The following EML1 variants were observed in gnomAD, a reference collection of about 807,000 sequenced individuals.
EML1 encodes the protein echinoderm microtubule-associated protein-like 1.
Under a neutral mutation model 110.4 loss-of-function variants are expected in EML1, and 27 were observed. The observed-to-expected ratio is 0.24, with a 90% confidence interval of 0.18 to 0.34. EML1 has a LOEUF of 0.34. Among genes scored for constraint, EML1 ranks in the 10% least tolerant of loss-of-function variants. The pLI is 1.00. For synonymous variants in EML1, 344 were observed against 385.8 expected (o/e 0.89, Z 1.27); for missense variants, 741 against 1,030.9 (o/e 0.72, Z 3.85).
chr14:99,772,186 CT>C (rs906830444), upstream of EML1, among the ~76,000 whole-genome samples: 7 of 152,310 alleles, frequency 4.6e-5, no homozygotes, highest in African/African-American at 1.7e-4. Flanking sequence ...AGACAATTAA[CT>C]TGTTAGACTC....
rs2060537990 is a variant in EML1 at position 99,939,416 on chromosome 14, T to TG, written c.2322+90dup. The TG allele has an allele frequency of 3.8e-6, 6 of 1,559,674 alleles. No homozygotes were observed. In the Admixed American group the frequency reaches 9.0e-5, roughly 23 times the overall value. On this transcript the variant is annotated intron_variant, in intron 21 of 21. Transcript: ENST00000262233. This position sits in a 1 kb window ranked among gnomAD's most constrained non-coding sequence, Gnocchi z 4.2. ...TTGGAGACTAAGTGGAAATGGGCTGTGAGCGACTGCTGCCAGCCACAAAGG... is the reference window on the plus strand; with the variant it reads ...TTGGAGACTAAGTGGAAATGGGCTGTGGAGCGACTGCTGCCAGCCACAAAGG...
chr14:99,837,822 G>T (rs886477484), intron 1 of EML1, among the ~76,000 whole-genome samples: 3 of 152,056 alleles, frequency 2.0e-5, no homozygotes, highest in Non-Finnish European at 4.4e-5. Context: ...TTGTTTTTGA[G>T]AGAGGCTTAC....
At chr14:99,911,976 A>G (rs1469340550) in intron 13 of EML1, among the ~76,000 whole-genome samples, 1 of 148,992 alleles carries the variant, frequency 6.7e-6, no homozygotes, top group East Asian at 2.0e-4. Context: ...GTTTACTGCA[A>G]CCTCCCCCTC....
At chr14:99,776,148 C>T (rs2057479705) in intron 1 of EML1, among the ~76,000 whole-genome samples, 2 of 152,120 alleles carry the variant, frequency 1.3e-5, no homozygotes, top group African/African-American at 2.4e-5. Context: ...CCTCAGAGCC[C>T]TTACAGATGA....
intron 16 of EML1, 135 bp from the exon 17 acceptor site, chr14:99,920,654 A>C (rs2060114417): frequency 1.0e-5 from 7 of 672,676 alleles, no homozygotes; most frequent in Non-Finnish European, 1.7e-5. Flanking sequence ...AAAGCTGGGA[A>C]CAAGCTTTCT....
intron 17 of EML1, among the ~76,000 whole-genome samples, chr14:99,933,843 C>T (rs1477425116): frequency 6.6e-6 from 1 of 152,346 alleles, no homozygotes; most frequent in East Asian, 1.9e-4. Flanking sequence ...CCTGTAATCC[C>T]AGCACTTCGG....
chr14:99,817,897 T>C (rs896230095), intron 1 of EML1, among the ~76,000 whole-genome samples: 2 of 152,042 alleles, frequency 1.3e-5, no homozygotes, highest in African/African-American at 2.4e-5. Context: ...CCAGCCCAGC[T>C]TGGTATTCTG....
intron 1 of EML1, among the ~76,000 whole-genome samples, 200 bp downstream of exon 1, chr14:99,793,743 GGCCGCCCCGGGCTCCCC>G (rs1230397572): frequency 6.8e-6 from 1 of 146,698 alleles, no homozygotes; most frequent in Non-Finnish European, 1.5e-5. Context: ...CCTCGCTCCG[GGCCGCCCCGGGCTCCCC>G]GCCGCCACCC....
chr14:99,794,060 T>G (rs925012996), intron 1 of EML1, among the ~76,000 whole-genome samples: 6 of 152,206 alleles, frequency 3.9e-5, no homozygotes, highest in African/African-American at 1.4e-4. Context: ...TTTAATACAA[T>G]CTAGAGCTTT....
intron 1 of EML1, among the ~76,000 whole-genome samples, chr14:99,825,626 T>C (rs1215678344): frequency 6.6e-6 from 1 of 152,188 alleles, no homozygotes; most frequent in Non-Finnish European, 1.5e-5. Context: ...TTTCTGTGTT[T>C]TTCCTGTCAG....
At chr14:99,806,006 T>C (rs1023990355) in intron 1 of EML1, among the ~76,000 whole-genome samples, 11 of 152,326 alleles carry the variant, frequency 7.2e-5, no homozygotes, top group African/African-American at 2.4e-4. Context: ...CATTCGACTT[T>C]CTTGTCTCTG....
intron 12 of EML1, among the ~76,000 whole-genome samples, chr14:99,911,067 A>T (rs1250513171): frequency 6.6e-6 from 1 of 152,142 alleles, no homozygotes; most frequent in Non-Finnish European, 1.5e-5. Flanking sequence ...CTGCAGGGTA[A>T]GCAGCAGCCC....
chr14:99,850,668 A>G (rs1344214668), intron 1 of EML1, among the ~76,000 whole-genome samples, 185 bp from the exon 2 acceptor site: 3 of 152,212 alleles, frequency 2.0e-5, no homozygotes, highest in African/African-American at 7.2e-5. Flanking sequence ...CCATTGTAGA[A>G]TGAAGAGTTG....
At position 99,914,049 on chromosome 14, in the gene EML1, C is replaced by T. The variant is rs548644110; in HGVS notation, c.1495-130C>T. 1,649 of 1,101,168 alleles carry T rather than the reference C, an allele frequency of 1.5e-3. 5 individuals are homozygous for T. The highest frequency in any genetic ancestry group is 1.8e-3 in the Non-Finnish European group (1,441 of 789,496). The allele number at this position is 1,101,168 out of a possible 1,614,324, so 68.2% of individuals were successfully genotyped here. ...TGTATATACAACATATATATTTGAACGTACATTATATACATATGTGTATAT... is the reference window on the plus strand; with the variant it reads ...TGTATATACAACATATATATTTGAATGTACATTATATACATATGTGTATAT... On this transcript the variant is annotated intron_variant, in intron 13 of 21. Coordinates refer to ENST00000262233, the MANE Select transcript of EML1 (RefSeq NM_004434.3).
At chr14:99,776,553 G>C (rs1473451514) in intron 1 of EML1, among the ~76,000 whole-genome samples, 1 of 151,684 alleles carries the variant, frequency 6.6e-6, no homozygotes, top group Non-Finnish European at 1.5e-5. Context: ...GAATCCCTAT[G>C]ATGTACAGCC....
intron 12 of EML1, among the ~76,000 whole-genome samples, chr14:99,911,079 A>G (rs983610660): frequency 3.9e-5 from 6 of 152,176 alleles, no homozygotes; most frequent in African/African-American, 1.4e-4. Context: ...CAGCAGCCCC[A>G]TTCCACCAAG....
In EML1 at chr14:99,851,032, A is replaced by G; in HGVS notation, c.247A>G (p.Lys83Glu). 1 of 1,609,884 alleles carries G rather than the reference A, an allele frequency of 6.2e-7. No individual in the cohort carries two copies. The highest frequency in any genetic ancestry group is 8.5e-7 in the Non-Finnish European group (1 of 1,176,862). The part of the protein sequence containing the change: ...QAVLNRKGPT[K>E]ARPLMQTLPL... Reference sequence around the variant, plus strand: ...CGTGCTTAACAGGAAAGGACCTACCAAAGGTGGGCGTTTGAGTGACACAGG... The same window carrying G: ...CGTGCTTAACAGGAAAGGACCTACCGAAGGTGGGCGTTTGAGTGACACAGG... Residue 83 changes from lysine to glutamate, a missense_variant, in exon 2 of 22, where the codon AAA (lysine) becomes GAA (glutamate). Around this residue, in one of 4 missense-constraint regions of EML1, gnomAD observed 226 missense variants for 255.6 expected, o/e 0.88. Coordinates refer to ENST00000262233, the MANE Select transcript of EML1 (RefSeq NM_004434.3).
chr14:99,793,940 TGAAGAA>T (rs2057720772), intron 1 of EML1, among the ~76,000 whole-genome samples: 1 of 152,070 alleles, frequency 6.6e-6, no homozygotes, highest in Non-Finnish European at 1.5e-5. Context: ...AATGACTGGA[TGAAGAA>T]CTCGGGAAAC....
At chr14:99,883,281 A>G (rs2059418918) in intron 4 of EML1, 1 of 152,232 alleles carries the variant, frequency 6.6e-6, no homozygotes, top group African/African-American at 2.4e-5. Flanking sequence ...CTGTAATCCT[A>G]GCACTTCAGC....
Sources: allele counts gnomAD v4.1 joint callset (sites outside exome capture counted in the v4.1 genomes callset), GRCh38; gene constraint gnomAD v4.1.1; regional missense constraint gnomAD v4.1.1; non-coding constraint Gnocchi (gnomAD v3.1); transcripts MANE v1.5; gene names NCBI Gene and HGNC (gene_info 2026-07-23, HGNC 2026-07-21).